The following HCLS1 variants were observed in gnomAD, a reference collection of about 807,000 sequenced individuals.
HCLS1 encodes the protein hematopoietic cell-specific Lyn substrate 1.
In HCLS1, 44 loss-of-function variants were observed where a neutral mutation model predicts 68.6. That is an observed-to-expected ratio of 0.64 (90% CI 0.50 to 0.82). The LOEUF is 0.82. Ranked by LOEUF, HCLS1 falls within the 40% of genes least tolerant of loss-of-function variation. HCLS1 has a pLI of 0.00. For missense variants in HCLS1, 602 were observed against 612.1 expected (o/e 0.98, Z 0.17); for synonymous variants, 217 against 225.8 (o/e 0.96, Z 0.35).
At chr3:121,658,070 T>C in intron 2 of HCLS1, 194 bp downstream of exon 2, 1 of 560,282 alleles carries the variant, frequency 1.8e-6, no homozygotes, top group Non-Finnish European at 3.2e-6. Context: ...ACCTGTCTCT[T>C]TTCATCCCTG....
At position 121,634,535 on chromosome 3, in the gene HCLS1, C is replaced by G. The variant is rs538002443; in HGVS notation, c.692-117G>C. 4.3e-6 allele frequency: 4 copies of G among 938,044 alleles called. No individual in the cohort carries two copies. In the South Asian group the frequency reaches 5.8e-5, roughly 14 times the overall value. 58.1% of individuals were successfully genotyped at this position (938,044 alleles called of 1,614,324 possible). A position where few individuals can be genotyped will look rare whatever the true frequency, so the allele number is the denominator to read the frequency against. ...TATCCGGGAGGAGGGATTTGTGGGACAGGATGGTAAAGAGGTATCGATAGA... is the reference window on the plus strand; with the variant it reads ...TATCCGGGAGGAGGGATTTGTGGGAGAGGATGGTAAAGAGGTATCGATAGA... On this transcript the variant is annotated intron_variant, in intron 9 of 13. Transcript: ENST00000314583.
chr3:121,633,632 G>A (rs1321998915), intron 10 of HCLS1, among the ~76,000 whole-genome samples: 1 of 152,004 alleles, frequency 6.6e-6, no homozygotes, highest in Non-Finnish European at 1.5e-5. Context: ...CAAACTCTTG[G>A]GCTCAAACAA....
chr3:121,632,364 G>C lies in HCLS1; in HGVS notation c.1208C>G (p.Pro403Arg), dbSNP rs370406484. The C allele has an allele frequency of 6.2e-7, 1 of 1,614,016 alleles. No individual in the cohort carries two copies. Among genetic ancestry groups the C allele is most frequent in the African/African-American group, 1.3e-5 (1 of 74,908 alleles). The part of the protein sequence containing the change: ...PEGDYEEVLE[P>R]EDSSFSSALA... Reference sequence around the variant, plus strand: ...AGCAGAAGAAAAAGAAGAATCTTCAGGCTCGAGCACCTCCTCATAGTCCCC... The same window carrying C: ...AGCAGAAGAAAAAGAAGAATCTTCACGCTCGAGCACCTCCTCATAGTCCCC... Residue 403 changes from proline to arginine, a missense_variant, in exon 12 of 14, where the codon CCT (proline) becomes CGT (arginine). Pro to Arg is a moderately radical substitution (Grantham distance 103). Coordinates refer to ENST00000314583, the MANE Select transcript of HCLS1 (RefSeq NM_005335.6).
At chr3:121,638,721 T>TAAGAAAG (rs2108859155) in intron 6 of HCLS1, among the ~76,000 whole-genome samples, 2 of 152,228 alleles carry the variant, frequency 1.3e-5, no homozygotes, top group South Asian at 4.1e-4. Context: ...AGAGTAAGCA[T>TAAGAAAG]AAGAAAGATG....
chr3:121,639,020 C>G (rs2049174346), intron 6 of HCLS1, among the ~76,000 whole-genome samples: 1 of 53,198 alleles, frequency 1.9e-5, no homozygotes, highest in Non-Finnish European at 5.2e-5. Flanking sequence ...AACACACACA[C>G]ACACGCACAC....
At chr3:121,651,070 G>A (rs999944095) in intron 3 of HCLS1, among the ~76,000 whole-genome samples, 1 of 152,156 alleles carries the variant, frequency 6.6e-6, no homozygotes, top group Non-Finnish European at 1.5e-5. Flanking sequence ...AGGAGGCAGA[G>A]GTTGCAGTGA....
intron 6 of HCLS1, among the ~76,000 whole-genome samples, chr3:121,642,099 CTT>C (rs2049206611): frequency 8.7e-6 from 1 of 115,402 alleles, no homozygotes. Context: ...AAAAAAAAAA[CTT>C]GATCAATATT....
chr3:121,650,867 G>C lies in HCLS1; in HGVS notation c.159-3419C>G, dbSNP rs147433907. 2.1e-3 allele frequency among the ~76,000 whole-genome samples: 320 copies of C among 152,296 alleles called. 5 individuals are homozygous for C. In the East Asian group the frequency reaches 0.045, roughly 21 times the overall value. ...TAAAATGAAAAAGTGGCCAGGTGTG[G>C]TGGCTCACGCCTGTAATCTCAGCAC... On this transcript the variant is annotated intron_variant, in intron 3 of 13. Coordinates refer to ENST00000314583, the MANE Select transcript of HCLS1 (RefSeq NM_005335.6).
At position 121,631,536 on chromosome 3, in the gene HCLS1, T is replaced by G; in HGVS notation, c.*310A>C. On this transcript the variant is annotated 3_prime_UTR_variant, in exon 14 of 14. Coordinates refer to ENST00000314583, the MANE Select transcript of HCLS1 (RefSeq NM_005335.6). ...CACAATCTAGACGTACTTTCCCGGG[T>G]AAACAAACTGGGAAGCCCAGAGCTC... The G allele has an allele frequency of 3.2e-6, 1 of 308,800 alleles. No homozygotes were observed. The highest frequency in any genetic ancestry group is 6.0e-6 in the Non-Finnish European group (1 of 165,480). 19.1% of individuals were successfully genotyped at this position (308,800 alleles called of 1,614,324 possible).
At chr3:121,659,441 G>T (rs565473886) in intron 1 of HCLS1, among the ~76,000 whole-genome samples, 1 of 152,200 alleles carries the variant, frequency 6.6e-6, no homozygotes, top group African/African-American at 2.4e-5. Flanking sequence ...GCTCTCCATC[G>T]TCTCCAAAGA....
intron 3 of HCLS1, among the ~76,000 whole-genome samples, chr3:121,650,034 T>C (rs969952806): frequency 4.6e-5 from 7 of 152,232 alleles, no homozygotes; most frequent in African/African-American, 1.7e-4. Context: ...AATTGTATTT[T>C]TACATACTGG....
In HCLS1 at chr3:121,647,369, A is replaced by G. The variant is rs199972787; in HGVS notation, c.238T>C (p.Ser80Pro). 1 of 1,613,716 alleles carries G rather than the reference A, an allele frequency of 6.2e-7. No homozygotes were observed. ...CCAAACCGACCTCCATAGCCATGGG[A>G]TGCTTTGGGCCCTGACTCCATCTCT... Reference protein sequence around the residue: ...KKEMESGPKASHGYGGRFGVE... With the variant: ...KKEMESGPKAPHGYGGRFGVE... The change falls in exon 4 of 14, where the codon TCC becomes CCC. Residue 80 changes from serine to proline, a missense_variant. By Grantham distance (74) the Ser-to-Pro change is moderately conservative (BLOSUM62 -1). Transcript: ENST00000314583.
At position 121,632,556 on chromosome 3, in the gene HCLS1, T is replaced by C. The variant is rs145987912; in HGVS notation, c.1016A>G (p.Glu339Gly). ...PIRQTLPEDN[E>G]EPPALPPRTL... ...CCTAGGGGGCAGAGCTGGGGGCTCCTCATTGTCCTGAGAAGAGACAGTGTG... is the reference window on the plus strand; with the variant it reads ...CCTAGGGGGCAGAGCTGGGGGCTCCCCATTGTCCTGAGAAGAGACAGTGTG... The change falls in exon 12 of 14, where the codon GAG (glutamate) becomes GGG (glycine). Residue 339 changes from glutamate to glycine, a missense_variant. Physicochemically the swap from Glu to Gly is moderately conservative, Grantham distance 98. Transcript: ENST00000314583. The C allele has an allele frequency of 1.2e-6, 2 of 1,611,900 alleles. No individual in the cohort carries two copies. Among genetic ancestry groups the C allele is most frequent in the Non-Finnish European group, 1.7e-6 (2 of 1,179,792 alleles).
At chr3:121,658,749 G>A (rs573707112) in intron 1 of HCLS1, among the ~76,000 whole-genome samples, 1 of 152,334 alleles carries the variant, frequency 6.6e-6, no homozygotes, top group South Asian at 2.1e-4. Context: ...ATTTCACTCA[G>A]GTTTCTATAT....
In HCLS1 at chr3:121,631,667, T is replaced by G. The variant is rs1437140638; in HGVS notation, c.*179A>C. ...AGCTCATCCAGGATAGAGAGGACTC[T>G]TGGGGAAGGGGACCTCCTTCCCCAT... On this transcript the variant is annotated 3_prime_UTR_variant, in exon 14 of 14. Transcript: ENST00000314583. 1 of 619,326 alleles carries G rather than the reference T, an allele frequency of 1.6e-6. No homozygotes were observed. The highest frequency in any genetic ancestry group is 2.8e-6 in the Non-Finnish European group (1 of 354,688). The allele number at this position is 619,326 out of a possible 1,614,324, so 38.4% of individuals were successfully genotyped here.
At chr3:121,654,529 C>A (rs1406132171) in intron 3 of HCLS1, among the ~76,000 whole-genome samples, 1 of 152,072 alleles carries the variant, frequency 6.6e-6, no homozygotes, top group Admixed American at 6.5e-5. Context: ...GGTGATAGTT[C>A]TTGAAAACCA....
Position 121,632,562 on chromosome 3 carries a change from T to C in HCLS1, c.1010A>G (p.Asp337Gly), listed in dbSNP as rs766948902. ...LLPIRQTLPE[D>G]NEEPPALPPR... Reference sequence around the variant, plus strand: ...GGGCAGAGCTGGGGGCTCCTCATTGTCCTGAGAAGAGACAGTGTGGAGCAC... The same window carrying C: ...GGGCAGAGCTGGGGGCTCCTCATTGCCCTGAGAAGAGACAGTGTGGAGCAC... Residue 337 changes from aspartate to glycine, a missense_variant and splice_region_variant, in exon 12 of 14, where the codon GAC (aspartate) becomes GGC (glycine). Coordinates refer to ENST00000314583, the MANE Select transcript of HCLS1 (RefSeq NM_005335.6). The C allele has an allele frequency of 6.2e-7, 1 of 1,611,368 alleles. No individual in the cohort carries two copies. Among genetic ancestry groups the C allele is most frequent in the Non-Finnish European group, 8.5e-7 (1 of 1,179,768 alleles).
chr3:121,654,642 A>G (rs1213064498), intron 3 of HCLS1, among the ~76,000 whole-genome samples: 3 of 152,262 alleles, frequency 2.0e-5, no homozygotes, highest in Non-Finnish European at 4.4e-5. Flanking sequence ...AGACAGACCT[A>G]AAAAGAGACA....
At chr3:121,640,808 AG>A (rs2049190524) in intron 6 of HCLS1, among the ~76,000 whole-genome samples, 1 of 17,652 alleles carries the variant, frequency 5.7e-5, no homozygotes, top group Non-Finnish European at 1.0e-4. Flanking sequence ...AGGGGAGGGG[AG>A]GGGAGGGCAG....
Sources: gnomAD v4.1 joint callset for allele counts (sites outside exome capture counted in the v4.1 genomes callset) on GRCh38, gnomAD v4.1.1 for gene constraint, MANE v1.5 for transcripts, NCBI Gene and HGNC (gene_info 2026-07-23, HGNC 2026-07-21) for gene names.